The following UGT1A9 variants were observed in gnomAD, a reference collection of about 807,000 sequenced individuals.
UGT1A9 encodes UDP-glucuronosyltransferase 1A9.
A neutral mutation model predicts 45.0 loss-of-function variants in UGT1A9; 35 were observed. That is an observed-to-expected ratio of 0.78 (90% CI 0.59 to 1.03). The LOEUF is 1.03. UGT1A9 is among the 50% of genes least tolerant of loss of function. The pLI, the probability that UGT1A9 is intolerant of heterozygous loss-of-function variation, is 0.00. For missense variants in UGT1A9, 687 were observed against 666.6 expected (o/e 1.03, Z -0.34); for synonymous variants, 278 against 250.6 (o/e 1.11, Z -1.03).
chr2:233,711,913 T>C (rs1304030043), intron 1 of UGT1A9, among the ~76,000 whole-genome samples: 1 of 152,170 alleles, frequency 6.6e-6, no homozygotes, highest in Non-Finnish European at 1.5e-5. Context: ...CCATTGTGAG[T>C]GCTCAGGGTC....
At chr2:233,770,651 C>A (rs1700124792) in intron 4 of UGT1A9, 1 of 150,460 alleles carries the variant, frequency 6.6e-6, no homozygotes, top group Middle Eastern at 3.2e-3. Context: ...GAGTGAGACT[C>A]CGTCTTACTT....
intron 1 of UGT1A9, among the ~76,000 whole-genome samples, chr2:233,727,274 G>C (rs779419718): frequency 6.6e-6 from 1 of 152,104 alleles, no homozygotes; most frequent in Non-Finnish European, 1.5e-5. Context: ...CTCATCTCCA[G>C]ACCCTGGAAG....
chr2:233,672,214 G>A lies in UGT1A9; in HGVS notation c.280G>A (p.Ala94Thr), dbSNP rs1017051585. ...TCTGGACCGGGAGTTCAAGGCTTTT[G>A]CCCATGCTCAATGGAAAGCACAAGT... The part of the protein sequence containing the change: ...EDLDREFKAF[A>T]HAQWKAQVRS... Residue 94 changes from alanine (A) to threonine (T), a missense_variant, in exon 1 of 5, where the codon GCC (alanine) becomes ACC (threonine). Physicochemically the swap from Ala to Thr is moderately conservative, Grantham distance 58. Coordinates refer to ENST00000354728, the MANE Select transcript of UGT1A9 (RefSeq NM_021027.3). The A allele has an allele frequency of 6.2e-7, 1 of 1,614,172 alleles. No individual in the cohort carries two copies. The highest frequency in any genetic ancestry group is 1.1e-5 in the South Asian group (1 of 91,082).
At chr2:233,719,357 C>T (rs756721140) in intron 1 of UGT1A9, 62 of 1,613,782 alleles carry the variant, frequency 3.8e-5, no homozygotes, top group Non-Finnish European at 4.7e-5. Context: ...TTCCATGTGA[C>T]TTAGACTTTA....
At chr2:233,734,824 TTGAG>T (rs1349043445) in intron 1 of UGT1A9, among the ~76,000 whole-genome samples, 2 of 152,248 alleles carry the variant, frequency 1.3e-5, no homozygotes, top group African/African-American at 4.8e-5. Flanking sequence ...TTGTGCGATT[TTGAG>T]TGAGTTTCTT....
chr2:233,714,180 C>T (rs1425005373), intron 1 of UGT1A9, among the ~76,000 whole-genome samples: 1 of 152,158 alleles, frequency 6.6e-6, no homozygotes, highest in Non-Finnish European at 1.5e-5. Flanking sequence ...TGGGCAGGAG[C>T]AGGGACACTA....
At chr2:233,748,322 T>C (rs905546123) in intron 1 of UGT1A9, among the ~76,000 whole-genome samples, 5 of 151,864 alleles carry the variant, frequency 3.3e-5, no homozygotes, top group African/African-American at 4.9e-5. Context: ...CTAGGACTGA[T>C]GTGACTCATG....
At chr2:233,676,030 T>C (rs905060777) in intron 1 of UGT1A9, among the ~76,000 whole-genome samples, 3 of 152,178 alleles carry the variant, frequency 2.0e-5, no homozygotes, top group South Asian at 4.1e-4. Context: ...CCCATACATA[T>C]ACATCCTTGG....
chr2:233,724,618 G>A (rs1325870277), intron 1 of UGT1A9, among the ~76,000 whole-genome samples: 1 of 137,250 alleles, frequency 7.3e-6, no homozygotes, highest in East Asian at 2.4e-4. Flanking sequence ...GGGCAGAGAC[G>A]CTCCTCACTT....
chr2:233,719,465 C>T, intron 1 of UGT1A9: 3 of 1,613,994 alleles, frequency 1.9e-6, no homozygotes, highest in Non-Finnish European at 2.5e-6. Flanking sequence ...AGAACATGCT[C>T]TACCCTCTGG....
At chr2:233,751,762 G>A (rs888611090) in intron 1 of UGT1A9, among the ~76,000 whole-genome samples, 16 of 152,160 alleles carry the variant, frequency 1.1e-4, no homozygotes, top group Non-Finnish European at 2.1e-4. Context: ...TGCCATGTGA[G>A]ACATGACTTT....
Position 233,772,900 on chromosome 2 carries a change from C to A in UGT1A9, c.*341C>A. Reference sequence around the variant, plus strand: ...GCGGGATTCAAAGGTGGTCCCACGGCTGCCCCTACTGCAAATGGCAGTTTT... The same window carrying A: ...GCGGGATTCAAAGGTGGTCCCACGGATGCCCCTACTGCAAATGGCAGTTTT... On this transcript the variant is annotated 3_prime_UTR_variant, in exon 5 of 5. Coordinates refer to ENST00000354728, the MANE Select transcript of UGT1A9 (RefSeq NM_021027.3). 2.4e-6 allele frequency: 1 copy of A among 417,126 alleles called. No homozygotes were observed. The highest frequency in any genetic ancestry group is 4.1e-6 in the Non-Finnish European group (1 of 243,572). The allele number at this position is 417,126 out of a possible 1,614,324, so 25.8% of individuals were successfully genotyped here.
chr2:233,768,137 T>C (rs143830502), intron 3 of UGT1A9, 83 bp from the exon 4 acceptor site: 2 of 1,609,224 alleles, frequency 1.2e-6, no homozygotes, highest in East Asian at 4.5e-5. Context: ...ACTGAGTCTT[T>C]GGAGTGTTTT....
chr2:233,694,550 A>C lies in UGT1A9; in HGVS notation c.855+21761A>C, dbSNP rs45573037. Among the ~76,000 whole-genome samples, 1,290 of 152,304 alleles carry C rather than the reference A, an allele frequency of 8.5e-3. 9 individuals carry two copies. Among genetic ancestry groups the C allele is most frequent in the Middle Eastern group, 0.024 (7 of 294 alleles). ...GCCCAGAGTTACTTTGGAAAATAAA[A>C]ATCTGTGAGTTTTAAATTTCAATGT... On this transcript the variant is annotated intron_variant, in intron 1 of 4. Transcript: ENST00000354728.
intron 1 of UGT1A9, among the ~76,000 whole-genome samples, chr2:233,702,779 G>C (rs558414235): frequency 6.6e-6 from 1 of 152,280 alleles, no homozygotes; most frequent in South Asian, 2.1e-4. Flanking sequence ...ATTTGCAGGT[G>C]TAAACGAACC....
At chr2:233,719,637 A>T in intron 1 of UGT1A9, 1 of 1,614,040 alleles carries the variant, frequency 6.2e-7, no homozygotes. Flanking sequence ...CATGCCCAAC[A>T]TGGTCTTCAT....
chr2:233,706,265 C>T (rs529383479), intron 1 of UGT1A9, among the ~76,000 whole-genome samples: 1 of 152,244 alleles, frequency 6.6e-6, no homozygotes, highest in Non-Finnish European at 1.5e-5. Flanking sequence ...AGCTGGATTG[C>T]CCAACCTCAG....
intron 1 of UGT1A9, among the ~76,000 whole-genome samples, chr2:233,675,809 C>T (rs2074336603): frequency 6.6e-6 from 1 of 152,068 alleles, no homozygotes; most frequent in Non-Finnish European, 1.5e-5. Context: ...AAAAGAAATT[C>T]TTGGCATGTC....
chr2:233,727,754 C>T (rs1338679517), intron 1 of UGT1A9, among the ~76,000 whole-genome samples: 2 of 152,210 alleles, frequency 1.3e-5, no homozygotes, highest in African/African-American at 4.8e-5. Context: ...GTGTGCTGCC[C>T]TTGAGCTGGG....
Sources: allele counts gnomAD v4.1 joint callset (sites outside exome capture counted in the v4.1 genomes callset), GRCh38; gene constraint gnomAD v4.1.1; transcripts MANE v1.5; gene names NCBI Gene and HGNC (gene_info 2026-07-23, HGNC 2026-07-21).